Variants in PAFAH1B1 observed in about 807,000 individuals in gnomAD.
The protein encoded by PAFAH1B1 is platelet activating factor acetylhydrolase 1b regulatory subunit 1.
PAFAH1B1 carries 2 observed loss-of-function variants against 57.5 expected under a neutral mutation model. That is an observed-to-expected ratio of 0.03 (90% CI 0.01 to 0.11). The LOEUF is 0.11. Ranked by LOEUF, PAFAH1B1 falls within the 10% of genes least tolerant of loss-of-function variation. The pLI is 1.00. For synonymous variants in PAFAH1B1, 152 were observed against 169.6 expected (o/e 0.90, Z 0.81); for missense variants, 257 against 512.0 (o/e 0.50, Z 4.81).
At chr17:2,651,535 A>G (rs904555854) in intron 2 of PAFAH1B1, among the ~76,000 whole-genome samples, 6 of 151,430 alleles carry the variant, frequency 4.0e-5, no homozygotes, top group Non-Finnish European at 8.8e-5. Flanking sequence ...CAGTGAGCCG[A>G]GCTTGCACCA....
At position 2,655,215 on chromosome 17, in the gene PAFAH1B1, GTT is replaced by G. The variant is rs2068921786; in HGVS notation, c.33-10155_33-10154del. ...TGTGTGTGTGTGTGTGTGTGTGTGT[GTT>G]TATAAGAGTGAAATGTAGGCATCTA... On this transcript the variant is annotated intron_variant, in intron 2 of 10. Transcript: ENST00000397195. 3.4e-5 allele frequency among the ~76,000 whole-genome samples: 5 copies of G among 145,572 alleles called. No individual in the cohort carries two copies. The South Asian group carries it at 1.1e-3, about 32-fold the overall frequency.
At chr17:2,663,323 G>C (rs995080016) in intron 2 of PAFAH1B1, among the ~76,000 whole-genome samples, 10 of 152,272 alleles carry the variant, frequency 6.6e-5, no homozygotes, top group African/African-American at 2.4e-4. Flanking sequence ...ACTGAGATTA[G>C]TAGCAAGCCC....
At chr17:2,597,926 G>C (rs1354634855) in intron 1 of PAFAH1B1, among the ~76,000 whole-genome samples, 2 of 151,894 alleles carry the variant, frequency 1.3e-5, no homozygotes, top group East Asian at 3.9e-4. Context: ...ATAAGTCATG[G>C]ATGCTATAGA....
intron 1 of PAFAH1B1, among the ~76,000 whole-genome samples, chr17:2,636,903 G>A (rs777874076): frequency 6.6e-6 from 1 of 151,832 alleles, no homozygotes. Context: ...AAAATTTTCT[G>A]TAGAGACGGG....
chr17:2,638,033 GTAAC>G (rs1464955733), intron 1 of PAFAH1B1, 62 bp from the exon 2 acceptor site: 7 of 487,604 alleles, frequency 1.4e-5, no homozygotes, highest in South Asian at 8.4e-5. Flanking sequence ...AATGAGTACT[GTAAC>G]TAATAATTTA....
chr17:2,680,903 T>C, intron 10 of PAFAH1B1: 1 of 175,706 alleles, frequency 5.7e-6, no homozygotes, highest in Admixed American at 5.6e-5. Context: ...TGGAACATCG[T>C]GTTCAGTAAA....
At chr17:2,678,591 GA>G (rs2069312854) in intron 9 of PAFAH1B1, among the ~76,000 whole-genome samples, 1 of 150,858 alleles carries the variant, frequency 6.6e-6, no homozygotes, top group African/African-American at 2.4e-5. Flanking sequence ...AAAGAAACAA[GA>G]AAAACATACT....
At chr17:2,599,149 T>A (rs2068113493) in intron 1 of PAFAH1B1, among the ~76,000 whole-genome samples, 1 of 152,216 alleles carries the variant, frequency 6.6e-6, no homozygotes, top group African/African-American at 2.4e-5. Flanking sequence ...ACTTTCTAAA[T>A]ATTGAGCTTG....
At chr17:2,663,891 C>CAGA (rs1161033730) in intron 2 of PAFAH1B1, among the ~76,000 whole-genome samples, 2 of 151,934 alleles carry the variant, frequency 1.3e-5, no homozygotes, top group East Asian at 3.9e-4. Context: ...GATGGAGTTT[C>CAGA]ACCATGTTGG....
At chr17:2,606,723 A>G (rs995349426) in intron 1 of PAFAH1B1, among the ~76,000 whole-genome samples, 1 of 151,916 alleles carries the variant, frequency 6.6e-6, no homozygotes, top group African/African-American at 2.4e-5. Context: ...TTAAATGTTA[A>G]AAGTACCTGC....
chr17:2,616,028 G>A (rs1458023125), intron 1 of PAFAH1B1, among the ~76,000 whole-genome samples: 1 of 152,182 alleles, frequency 6.6e-6, no homozygotes, highest in African/African-American at 2.4e-5. Flanking sequence ...AAGCAACGAC[G>A]AAACAAGAAT....
At position 2,638,227 on chromosome 17, in the gene PAFAH1B1, T is replaced by G. The variant is rs563543268; in HGVS notation, c.-62T>G. The G allele has an allele frequency of 3.3e-4, 467 of 1,424,868 alleles. 3 individuals carry two copies. The South Asian group carries it at 5.0e-3, about 15-fold the overall frequency. 88.3% of individuals were successfully genotyped at this position (1,424,868 alleles called of 1,614,324 possible). Reference sequence around the variant, plus strand: ...ATTATAAGTCCACGGATCAAAAAGCTTTTTGATTTCCCAAAGGAGGGACAT... The same window carrying G: ...ATTATAAGTCCACGGATCAAAAAGCGTTTTGATTTCCCAAAGGAGGGACAT... On this transcript the variant is annotated 5_prime_UTR_variant, in exon 2 of 11. Coordinates refer to ENST00000397195, the MANE Select transcript of PAFAH1B1 (RefSeq NM_000430.4).
At chr17:2,676,350 C>T (rs921769070) in intron 8 of PAFAH1B1, 155 bp from the exon 9 acceptor site, 1 of 617,536 alleles carries the variant, frequency 1.6e-6, no homozygotes, top group Non-Finnish European at 2.9e-6. Flanking sequence ...GGTACTCCAG[C>T]CTGGGTGACA....
Position 2,638,136 on chromosome 17 carries a change from C to A in PAFAH1B1, c.-153C>A. The A allele has an allele frequency of 3.4e-6, 2 of 596,692 alleles. No homozygotes were observed. Among genetic ancestry groups the A allele is most frequent in the Non-Finnish European group, 6.1e-6 (2 of 329,870 alleles). 37.0% of individuals were successfully genotyped at this position (596,692 alleles called of 1,614,324 possible). Reference sequence around the variant, plus strand: ...TTACTTGTTGAATATCTTCTGGTTACTAGTTGGATTCATTTGTGAAAGAAT... The same window carrying A: ...TTACTTGTTGAATATCTTCTGGTTAATAGTTGGATTCATTTGTGAAAGAAT... On this transcript the variant is annotated 5_prime_UTR_variant, in exon 2 of 11. Transcript: ENST00000397195.
chr17:2,603,832 C>T (rs923252084), intron 1 of PAFAH1B1, among the ~76,000 whole-genome samples: 4 of 151,702 alleles, frequency 2.6e-5, no homozygotes, highest in African/African-American at 9.7e-5. Flanking sequence ...CCTCCACCTC[C>T]CAGGTTCGAG....
rs1044845693 is a variant in PAFAH1B1 at position 2,594,379 on chromosome 17, A to G, written c.-191+373A>G. 6.6e-5 allele frequency among the ~76,000 whole-genome samples: 10 copies of G among 152,188 alleles called. No individual in the cohort carries two copies. The East Asian group carries it at 1.7e-3, about 26-fold the overall frequency. On this transcript the variant is annotated intron_variant, in intron 1 of 10. Coordinates refer to ENST00000397195, the MANE Select transcript of PAFAH1B1 (RefSeq NM_000430.4). Reference sequence around the variant, plus strand: ...GCAAGAAAAGTATTCTTGGGTTGGAAGGGCGTGGGGACCAGGTAGCTCTCT... The same window carrying G: ...GCAAGAAAAGTATTCTTGGGTTGGAGGGGCGTGGGGACCAGGTAGCTCTCT...
At chr17:2,653,910 G>A (rs1428822355) in intron 2 of PAFAH1B1, among the ~76,000 whole-genome samples, 6 of 152,064 alleles carry the variant, frequency 3.9e-5, no homozygotes, top group Non-Finnish European at 5.9e-5. Context: ...CTGGGTTCAC[G>A]TGATTCTCCT....
Position 2,667,188 on chromosome 17 carries a change from C to T in PAFAH1B1, c.389C>T (p.Ala130Val). 3.7e-6 allele frequency: 6 copies of T among 1,612,456 alleles called. No homozygotes were observed. Among genetic ancestry groups the T allele is most frequent in the Non-Finnish European group, 4.2e-6 (5 of 1,178,598 alleles). Reference sequence around the variant, plus strand: ...GTTATGGTCTCTGCTTCAGAGGATGCTACAATTAAGGTAATTTTTTGTTAA... The same window carrying T: ...GTTATGGTCTCTGCTTCAGAGGATGTTACAATTAAGGTAATTTTTTGTTAA... ...FSVMVSASED[A>V]TIKVWDYETG... The change falls in exon 5 of 11, where the codon GCT becomes GTT. Residue 130 changes from alanine to valine, a missense_variant. Transcript: ENST00000397195.
intron 2 of PAFAH1B1, among the ~76,000 whole-genome samples, chr17:2,652,370 G>C (rs562035933): frequency 6.6e-6 from 1 of 152,190 alleles, no homozygotes; most frequent in South Asian, 2.1e-4. Flanking sequence ...AGCCAAGATC[G>C]CGCCACTGCA....
Sources: gnomAD v4.1 joint callset for allele counts (sites outside exome capture counted in the v4.1 genomes callset) on GRCh38, gnomAD v4.1.1 for gene constraint, MANE v1.5 for transcripts, NCBI Gene and HGNC (gene_info 2026-07-23, HGNC 2026-07-21) for gene names.